The following RANBP3L variants were observed in gnomAD, a reference collection of about 807,000 sequenced individuals.
The protein encoded by RANBP3L is ran-binding protein 3-like.
RANBP3L carries 56 observed loss-of-function variants against 67.2 expected under a neutral mutation model. The ratio of observed to expected loss-of-function variants is 0.83; its 90% confidence interval spans 0.67 to 1.04. The LOEUF is 1.04. Ranked by LOEUF, RANBP3L falls within the 50% of genes least tolerant of loss-of-function variation. The pLI, the probability that RANBP3L is intolerant of heterozygous loss-of-function variation, is 0.00. For synonymous variants in RANBP3L, 164 were observed against 181.4 expected (o/e 0.90, Z 0.77); for missense variants, 496 against 535.5 (o/e 0.93, Z 0.73).
intron 4 of RANBP3L, among the ~76,000 whole-genome samples, chr5:36,265,986 A>C (rs1178068964): frequency 2.0e-5 from 3 of 148,154 alleles, no homozygotes; most frequent in Admixed American, 1.3e-4. Context: ...TCAAAAAAAA[A>C]AAAAAAAAAA....
At chr5:36,277,424 A>G (rs1976373) in intron 1 of RANBP3L, among the ~76,000 whole-genome samples, 3,088 of 75,246 alleles carry the variant, frequency 0.041, 146 homozygotes, top group South Asian at 0.29. Flanking sequence ...CTCTCTCTCT[A>G]TATATATATA....
intron 1 of RANBP3L, among the ~76,000 whole-genome samples, chr5:36,290,441 T>C (rs188420405): frequency 3.4e-4 from 52 of 152,102 alleles, no homozygotes; most frequent in Non-Finnish European, 7.4e-5. Flanking sequence ...GGTCTTGAAC[T>C]CCTGGCCTCA....
chr5:36,297,437 ACACACACACG>A (rs1195926094), intron 1 of RANBP3L, among the ~76,000 whole-genome samples: 2 of 151,486 alleles, frequency 1.3e-5, no homozygotes, highest in Non-Finnish European at 2.9e-5. Flanking sequence ...ACACACACAC[ACACACACACG>A]CACACACACA....
intron 1 of RANBP3L, among the ~76,000 whole-genome samples, chr5:36,274,852 C>T (rs569586690): frequency 3.3e-5 from 5 of 151,966 alleles, no homozygotes. Flanking sequence ...GATGAGGCTG[C>T]TCTTTTTTCT....
intron 4 of RANBP3L, among the ~76,000 whole-genome samples, chr5:36,268,559 C>T (rs1749973919): frequency 6.6e-6 from 1 of 151,992 alleles, no homozygotes; most frequent in African/African-American, 2.4e-5. Flanking sequence ...TGCTGTATTA[C>T]AAGGTGGAAG....
rs528832312 is a variant in RANBP3L at position 36,258,374 on chromosome 5, C to T, written c.670-818G>A. Among the ~76,000 whole-genome samples, 420 of 152,244 alleles carry T rather than the reference C, an allele frequency of 2.8e-3. 2 individuals are homozygous for T. The highest frequency in any genetic ancestry group is 9.8e-3 in the African/African-American group (407 of 41,536). On this transcript the variant is annotated intron_variant, in intron 8 of 13. Coordinates refer to ENST00000296604, the MANE Select transcript of RANBP3L (RefSeq NM_145000.5). ...AATTCTTTCACATTACTTAACTAGACATCAAGATATTCCCTCAAAATTGGT... is the reference window on the plus strand; with the variant it reads ...AATTCTTTCACATTACTTAACTAGATATCAAGATATTCCCTCAAAATTGGT...
At chr5:36,251,566 A>T in intron 12 of RANBP3L, 67 bp from the exon 13 acceptor site, 3 of 1,231,264 alleles carry the variant, frequency 2.4e-6, no homozygotes, top group Non-Finnish European at 3.4e-6. Flanking sequence ...CAGATTTTTA[A>T]TCTTTCACTA....
intron 1 of RANBP3L, among the ~76,000 whole-genome samples, chr5:36,286,171 C>A (rs1006403691): frequency 3.9e-5 from 6 of 152,110 alleles, no homozygotes; most frequent in Non-Finnish European, 8.8e-5. Flanking sequence ...AGAATTTACC[C>A]TAAGATTTGC....
chr5:36,258,972 T>C (rs925654491), intron 8 of RANBP3L, among the ~76,000 whole-genome samples: 4 of 152,226 alleles, frequency 2.6e-5, no homozygotes, highest in Admixed American at 2.0e-4. Flanking sequence ...ATGCTTTATA[T>C]ACCGTAAGAA....
At chr5:36,257,222 T>G (rs1163914111) in intron 9 of RANBP3L, 151 bp from the exon 10 acceptor site, 1 of 682,844 alleles carries the variant, frequency 1.5e-6, no homozygotes, top group East Asian at 2.9e-5. Flanking sequence ...GTGTAAAATC[T>G]CCTTATCAAT....
At chr5:36,289,348 A>T (rs2363034) in intron 1 of RANBP3L, among the ~76,000 whole-genome samples, 145,144 of 152,242 alleles carry the variant, frequency 0.95, 69,488 homozygotes, top group Non-Finnish European at 0.99. Context: ...TCAACTTTGT[A>T]CTCTTTTTCA....
In RANBP3L at chr5:36,301,523, C is replaced by A. The variant is rs186084809; in HGVS notation, c.-107G>T. On this transcript the variant is annotated 5_prime_UTR_variant, in exon 1 of 14. Coordinates refer to ENST00000296604, the MANE Select transcript of RANBP3L (RefSeq NM_145000.5). ...ACACCCAGAAATACATAGATTCATG[C>A]AGATCTTGTCTTTGCATGTACAACA... 1.2e-5 allele frequency: 9 copies of A among 748,330 alleles called. No individual in the cohort carries two copies. The highest frequency in any genetic ancestry group is 5.0e-5 in the East Asian group (2 of 40,088). The allele number at this position is 748,330 out of a possible 1,614,324, so 46.4% of individuals were successfully genotyped here.
chr5:36,271,078 T>C (rs1056696021), intron 2 of RANBP3L, among the ~76,000 whole-genome samples, 175 bp downstream of exon 2: 1 of 152,168 alleles, frequency 6.6e-6, no homozygotes, highest in Non-Finnish European at 1.5e-5. Context: ...GGCTTCCCAT[T>C]CCAGCCAAAC....
intron 8 of RANBP3L, 99 bp from the exon 9 acceptor site, chr5:36,257,655 C>T (rs1361804554): frequency 2.0e-6 from 1 of 505,740 alleles, no homozygotes; most frequent in Non-Finnish European, 3.5e-6. Flanking sequence ...TGTTTCAACA[C>T]AGCAAGCAAA....
chr5:36,282,342 C>T (rs914538789), intron 1 of RANBP3L, among the ~76,000 whole-genome samples: 1 of 152,148 alleles, frequency 6.6e-6, no homozygotes, highest in Non-Finnish European at 1.5e-5. Context: ...TTTTTCATTA[C>T]TGCTAACATT....
chr5:36,257,201 T>G, intron 9 of RANBP3L, 130 bp from the exon 10 acceptor site: 1 of 772,938 alleles, frequency 1.3e-6, no homozygotes, highest in Admixed American at 3.3e-5. Context: ...AAATTCAGAC[T>G]GCTTGAGTTG....
intron 6 of RANBP3L, among the ~76,000 whole-genome samples, chr5:36,264,070 A>C (rs1196623145): frequency 6.6e-6 from 1 of 152,258 alleles, no homozygotes; most frequent in Admixed American, 6.5e-5. Flanking sequence ...ATCAAGTTCA[A>C]GTCCCTTACT....
chr5:36,295,284 G>A (rs1752124855), intron 1 of RANBP3L, among the ~76,000 whole-genome samples: 1 of 152,112 alleles, frequency 6.6e-6, no homozygotes, highest in Non-Finnish European at 1.5e-5. Context: ...GAGGGACCCA[G>A]TGGGAGGTAA....
chr5:36,264,885 A>C, intron 6 of RANBP3L, 74 bp downstream of exon 6: 2 of 1,356,008 alleles, frequency 1.5e-6, no homozygotes, highest in Non-Finnish European at 2.1e-6. Context: ...ATTTCTGGAT[A>C]TGGGGGCCCC....
Sources: gnomAD v4.1 joint callset for allele counts (sites outside exome capture counted in the v4.1 genomes callset) on GRCh38, gnomAD v4.1.1 for gene constraint, MANE v1.5 for transcripts, NCBI Gene and HGNC (gene_info 2026-07-23, HGNC 2026-07-21) for gene names.